The following TMEM98 variants were observed in gnomAD, a reference collection of about 807,000 sequenced individuals.
TMEM98 encodes the protein transmembrane protein 98.
Under a neutral mutation model 25.0 loss-of-function variants are expected in TMEM98, and 18 were observed. The observed-to-expected ratio is 0.72, with a 90% CI of 0.50 to 1.07. The LOEUF is 1.07. TMEM98 is among the 50% of genes least tolerant of loss of function. The probability of loss-of-function intolerance (pLI) is 0.00; values close to 1 mark genes in which losing one functional copy is unlikely to be tolerated. For missense variants in TMEM98, 241 were observed against 289.0 expected (o/e 0.83, Z 1.20); for synonymous variants, 103 against 112.4 (o/e 0.92, Z 0.53).
chr17:32,931,296 A>C (rs1242721850), intron 1 of TMEM98, 31 bp from the exon 2 acceptor site: 6 of 445,132 alleles, frequency 1.3e-5, no homozygotes, highest in African/African-American at 4.1e-5. Flanking sequence ...AATTTGGGGC[A>C]TGGCATAAAT....
chr17:32,935,947 G>C (rs2091493719), intron 5 of TMEM98, among the ~76,000 whole-genome samples: 1 of 152,190 alleles, frequency 6.6e-6, no homozygotes, highest in South Asian at 2.1e-4. Context: ...ATTCCTGAGG[G>C]TGCCTTGTTG....
chr17:32,937,240 A>T (rs965924970), intron 6 of TMEM98, among the ~76,000 whole-genome samples: 1 of 151,882 alleles, frequency 6.6e-6, no homozygotes, highest in Non-Finnish European at 1.5e-5. Flanking sequence ...CACTGCTGTG[A>T]GTTCCAGGGG....
Position 32,932,755 on chromosome 17 carries a change from C to A in TMEM98, c.132-419C>A, listed in dbSNP as rs562706199. Among the ~76,000 whole-genome samples the A allele has an allele frequency of 2.0e-4, 31 of 152,290 alleles. No homozygotes were observed. The East Asian group carries it at 5.4e-3, about 27-fold the overall frequency. On this transcript the variant is annotated intron_variant, in intron 3 of 7. Coordinates refer to ENST00000579849, the MANE Select transcript of TMEM98 (RefSeq NM_015544.3). ...AAAGTGGTTCACAAGAGTTATTCTG[C>A]AGACCAGGTGGGGAGCCTATGTAGG...
At chr17:32,934,654 G>T (rs564137586) in intron 5 of TMEM98, among the ~76,000 whole-genome samples, 1 of 152,292 alleles carries the variant, frequency 6.6e-6, no homozygotes, top group East Asian at 1.9e-4. Context: ...GAGAAATGGG[G>T]TTTCCCTGCT....
At chr17:32,936,139 C>G (rs1477044807) in intron 5 of TMEM98, among the ~76,000 whole-genome samples, 193 bp from the exon 6 acceptor site, 1 of 152,206 alleles carries the variant, frequency 6.6e-6, no homozygotes, top group African/African-American at 2.4e-5. Flanking sequence ...ACCCCAGGTC[C>G]TCTCCCAGCC....
intron 5 of TMEM98, 156 bp downstream of exon 5, chr17:32,934,480 C>T (rs964333470): frequency 2.1e-5 from 15 of 708,340 alleles, no homozygotes; most frequent in African/African-American, 3.6e-5. Context: ...ACTTCCCCCC[C>T]TGCCTGGACT....
chr17:32,935,071 T>C (rs751262300), intron 5 of TMEM98, among the ~76,000 whole-genome samples: 4 of 152,188 alleles, frequency 2.6e-5, no homozygotes, highest in Admixed American at 2.0e-4. Flanking sequence ...GACTAGTAAT[T>C]ATTCAAGATT....
At position 32,943,645 on chromosome 17, in the gene TMEM98, A is replaced by G. The variant is rs1250479613; in HGVS notation, c.*2652A>G. On this transcript the variant is annotated 3_prime_UTR_variant, in exon 8 of 8. Transcript: ENST00000579849. ...TTTGAATTTGGGCTCAGTGACTTAC[A>G]GTGTGAGCTTGGTCAAGTTCTTAAC... The G allele has an allele frequency of 6.6e-6, 1 of 152,232 alleles. No homozygotes were observed. The highest frequency in any genetic ancestry group is 1.5e-5 in the Non-Finnish European group (1 of 68,038). 9.4% of individuals were successfully genotyped at this position (152,232 alleles called of 1,614,324 possible). A position where few individuals can be genotyped will look rare whatever the true frequency, so the allele number is the denominator to read the frequency against.
intron 3 of TMEM98, 40 bp downstream of exon 3, chr17:32,931,699 C>A: frequency 6.3e-7 from 1 of 1,584,324 alleles, no homozygotes; most frequent in Non-Finnish European, 8.6e-7. Flanking sequence ...GGGGTGGGCT[C>A]TAACTAAAGA....
intron 1 of TMEM98, among the ~76,000 whole-genome samples, chr17:32,929,335 G>T (rs770475371): frequency 6.6e-6 from 1 of 151,988 alleles, no homozygotes; most frequent in Non-Finnish European, 1.5e-5. Flanking sequence ...AGAGAAACAC[G>T]ATCAGAGAAA....
rs2091538317 is a variant in TMEM98, at chr17:32,942,992, G to C, written c.*1999G>C. On this transcript the variant is annotated 3_prime_UTR_variant, in exon 8 of 8. Transcript: ENST00000579849. ...GCCACAGAGAAGCAGTTCTGAATTGGTATCTCAAATACCATCCACCTGGTG... is the reference window on the plus strand; with the variant it reads ...GCCACAGAGAAGCAGTTCTGAATTGCTATCTCAAATACCATCCACCTGGTG... 2 of 152,206 alleles carry C rather than the reference G, an allele frequency of 1.3e-5. No homozygotes were observed. Among genetic ancestry groups the C allele is most frequent in the Admixed American group, 1.3e-4 (2 of 15,284 alleles). The allele number at this position is 152,206 out of a possible 1,614,324, so 9.4% of individuals were successfully genotyped here.
chr17:32,939,682 C>G, intron 7 of TMEM98, 146 bp downstream of exon 7: 1 of 901,434 alleles, frequency 1.1e-6, no homozygotes, highest in Non-Finnish European at 1.8e-6. Context: ...GTGCCATTTA[C>G]TTCAGTGAGC....
At chr17:32,936,514 A>T in intron 6 of TMEM98, 67 bp downstream of exon 6, 1 of 1,381,804 alleles carries the variant, frequency 7.2e-7, no homozygotes, top group Non-Finnish European at 1.0e-6. Flanking sequence ...AAGCTGGGGT[A>T]GCCGCAGAGC....
intron 1 of TMEM98, chr17:32,930,777 C>G (rs890905797): frequency 6.6e-6 from 1 of 152,222 alleles, no homozygotes; most frequent in African/African-American, 2.4e-5. Context: ...AACAAAGAAC[C>G]TGGTGCAGAG....
intron 1 of TMEM98, among the ~76,000 whole-genome samples, chr17:32,929,322 C>G (rs1023301243): frequency 6.6e-6 from 1 of 152,006 alleles, no homozygotes; most frequent in African/African-American, 2.4e-5. Flanking sequence ...CTCACACACA[C>G]CCAGAGAAAC....
In TMEM98 at chr17:32,943,401, G is replaced by A. The variant is rs1238156394; in HGVS notation, c.*2408G>A. Reference sequence around the variant, plus strand: ...GGTTAGTGAGTGCCAGGGATCTCAGGACTGTCTCTGTGCCAGGTGTGGTTT... The same window carrying A: ...GGTTAGTGAGTGCCAGGGATCTCAGAACTGTCTCTGTGCCAGGTGTGGTTT... On this transcript the variant is annotated 3_prime_UTR_variant, in exon 8 of 8. Transcript: ENST00000579849. 6.6e-6 allele frequency: 1 copy of A among 152,186 alleles called. No homozygotes were observed. Among genetic ancestry groups the A allele is most frequent in the Non-Finnish European group, 1.5e-5 (1 of 68,076 alleles). 9.4% of individuals were successfully genotyped at this position (152,186 alleles called of 1,614,324 possible).
chr17:32,930,728 C>G lies in TMEM98; in HGVS notation c.-130-599C>G, dbSNP rs546795535. Reference sequence around the variant, plus strand: ...TTTCCTCAACTGTAAAATGGGATTACTAATATGTCCACTTCATAAGATTGT... The same window carrying G: ...TTTCCTCAACTGTAAAATGGGATTAGTAATATGTCCACTTCATAAGATTGT... On this transcript the variant is annotated intron_variant, in intron 1 of 7. Transcript: ENST00000579849. 3.7e-3 allele frequency among the ~76,000 whole-genome samples: 300 copies of G among 80,136 alleles called. 1 individual carries two copies. Among genetic ancestry groups the G allele is most frequent in the African/African-American group, 0.027 (279 of 10,376 alleles). 52.6% of individuals were successfully genotyped at this position (80,136 alleles called of 152,430 possible). A position where few individuals can be genotyped will look rare whatever the true frequency, so the allele number is the denominator to read the frequency against.
intron 4 of TMEM98, among the ~76,000 whole-genome samples, chr17:32,933,973 G>C (rs114896278): frequency 4.3e-4 from 66 of 152,302 alleles, no homozygotes; most frequent in African/African-American, 1.6e-3. Context: ...GAGTTCCCCA[G>C]TCTGAGCAAA....
Position 32,940,801 on chromosome 17 carries a change from C to G in TMEM98, c.489C>G (p.Leu163=), listed in dbSNP as rs149373911. 1.2e-6 allele frequency: 2 copies of G among 1,614,046 alleles called. No individual in the cohort carries two copies. Among genetic ancestry groups the G allele is most frequent in the South Asian group, 2.2e-5 (2 of 91,074 alleles). The change falls in exon 8 of 8, where the codon CTC becomes CTG. Residue 163 remains leucine (L), a synonymous_variant. Coordinates refer to ENST00000579849, the MANE Select transcript of TMEM98 (RefSeq NM_015544.3). ...KLLDARTTAL[L]LSVSHLVLVT... ...TTTTCCCTAGGACGACTGCCCTGCT[C>G]CTGTCTGTCAGTCACCTGGTGCTGG...
Sources: gnomAD v4.1 joint callset for allele counts (sites outside exome capture counted in the v4.1 genomes callset) on GRCh38, gnomAD v4.1.1 for gene constraint, MANE v1.5 for transcripts, NCBI Gene and HGNC (gene_info 2026-07-23, HGNC 2026-07-21) for gene names.